The following TFAP2C variants were observed in gnomAD, a reference collection of about 807,000 sequenced individuals.
The protein encoded by TFAP2C is transcription factor AP-2 gamma, also known as activating enhancer-binding protein 2 gamma.
In TFAP2C, 9 loss-of-function variants were observed where a neutral mutation model predicts 42.9. The ratio of observed to expected loss-of-function variants is 0.21; its 90% CI spans 0.13 to 0.37. TFAP2C has a LOEUF of 0.37. TFAP2C is among the 10% of genes least tolerant of loss of function. The pLI is 1.00. For synonymous variants in TFAP2C, 264 were observed against 256.0 expected, an observed-to-expected ratio of 1.03 and a Z score of -0.30; for missense variants, 462 against 591.7, an observed-to-expected ratio of 0.78 and a Z score of 2.27.
At position 56,631,324 on chromosome 20, in the gene TFAP2C, G is replaced by T. The variant is rs1304444186; in HGVS notation, c.168G>T (p.Pro56=). 1.2e-6 allele frequency: 2 copies of T among 1,609,668 alleles called. No individual in the cohort carries two copies. Among genetic ancestry groups the T allele is most frequent in the African/African-American group, 1.3e-5 (1 of 74,582 alleles). Residue 56 remains proline, a synonymous_variant, in exon 2 of 7, where the codon CCG becomes CCT. Transcript: ENST00000201031. This position sits in a 1 kb window ranked among gnomAD's most constrained non-coding sequence, Gnocchi z 6.1. ...LSHTGVAEYQ[P]PPYFPPPYQQ... ...ACACTGGAGTCGCCGAATATCAGCC[G>T]CCACCCTACTTTCCCCCTCCCTACC...
At position 56,630,282 on chromosome 20, in the gene TFAP2C, G is replaced by A. The variant is rs1422429941; in HGVS notation, c.48+690G>A. 8.6e-6 allele frequency: 3 copies of A among 347,016 alleles called. No individual in the cohort carries two copies. The highest frequency in any genetic ancestry group is 1.8e-5 in the Non-Finnish European group (3 of 169,178). 21.5% of individuals were successfully genotyped at this position (347,016 alleles called of 1,614,324 possible). ...CGGAGCTCGGGCTACGGACTCGCGGGAGTTCACTGCGCCTCCGGGCCCTGG... is the reference window on the plus strand; with the variant it reads ...CGGAGCTCGGGCTACGGACTCGCGGAAGTTCACTGCGCCTCCGGGCCCTGG... On this transcript the variant is annotated intron_variant, in intron 1 of 6. Transcript: ENST00000201031. This position sits in a 1 kb window ranked among gnomAD's most constrained non-coding sequence, Gnocchi z 5.1.
intron 5 of TFAP2C, 101 bp from the exon 6 acceptor site, chr20:56,636,509 G>A: frequency 2.3e-6 from 3 of 1,328,608 alleles, no homozygotes; most frequent in Non-Finnish European, 3.0e-6. Context: ...CTGGGCAACA[G>A]AGCGAGACTC....
chr20:56,637,612 C>T lies in TFAP2C; in HGVS notation c.1068-116C>T, dbSNP rs1447087334. 1.1e-5 allele frequency: 10 copies of T among 872,882 alleles called. No homozygotes were observed. In the South Asian group the frequency reaches 1.2e-4, roughly 10 times the overall value. The allele number at this position is 872,882 out of a possible 1,614,324, so 54.1% of individuals were successfully genotyped here. ...CTATTAGTATTAAATTCTCCTTCCT[C>T]GGGTTGAAGCAGTTGTGCTTGCCTC... On this transcript the variant is annotated intron_variant, in intron 6 of 6. Transcript: ENST00000201031.
chr20:56,631,795 T>C lies in TFAP2C; in HGVS notation c.535-10T>C, dbSNP rs754753917. 3 of 1,614,092 alleles carry C rather than the reference T, an allele frequency of 1.9e-6. No individual in the cohort carries two copies. Among genetic ancestry groups the C allele is most frequent in the Non-Finnish European group, 1.7e-6 (2 of 1,180,006 alleles). On this transcript the variant is annotated splice_polypyrimidine_tract_variant and intron_variant, in intron 2 of 6. Coordinates refer to ENST00000201031, the MANE Select transcript of TFAP2C (RefSeq NM_003222.4). The surrounding 1 kb of genome is among the most constrained non-coding windows in gnomAD (Gnocchi z 6.1). ...CCGAACTTAAGGGAATTTTGTCCTCTCTCCCCCAGAATGTCGACGACCAGC... is the reference window on the plus strand; with the variant it reads ...CCGAACTTAAGGGAATTTTGTCCTCCCTCCCCCAGAATGTCGACGACCAGC...
chr20:56,633,388 C>G lies in TFAP2C; in HGVS notation c.622C>G (p.Pro208Ala). ...ISMTKNPLNL[P>A]CQKELVGAVM... is the part of the protein sequence containing the mutation. ...CATGACCAAGAACCCTCTGAACCTC[C>G]CCTGTCAGAAGGAGCTGGTGGGGGC... is the stretch of plus-strand genomic sequence containing the variant. The change falls in exon 4 of 7, where the codon CCC (proline) becomes GCC (alanine). Residue 208 changes from proline to alanine, a missense_variant. Physicochemically the swap from Pro to Ala is conservative, Grantham distance 27. Transcript: ENST00000201031. 2 of 1,614,076 alleles carry G rather than the reference C, an allele frequency of 1.2e-6. No homozygotes were observed. Among genetic ancestry groups the G allele is most frequent in the South Asian group, 1.1e-5 (1 of 91,072 alleles).
intron 6 of TFAP2C, 72 bp downstream of exon 6, chr20:56,636,826 ACAGTCC>A: frequency 6.6e-7 from 1 of 1,514,616 alleles, no homozygotes; most frequent in Non-Finnish European, 8.9e-7. Context: ...TTCCCCCTCC[ACAGTCC>A]CGATGGCTCA....
chr20:56,637,778 A>G lies in TFAP2C; in HGVS notation c.1118A>G (p.His373Arg). The stretch of plus-strand genomic sequence containing the variant: ...CTTCTCAGCCAAGACCGGACACCCC[A>G]TGGGACCAGCAGGCTCGCCCCAGTC... ...TELLSQDRTPHGTSRLAPVLE... is the reference protein window; with the variant it reads ...TELLSQDRTPRGTSRLAPVLE... Residue 373 changes from histidine (H) to arginine (R), a missense_variant, in exon 7 of 7, where the codon CAT (histidine) becomes CGT (arginine). This residue lies in a region of TFAP2C where 130 missense variants were observed against 160.8 expected (regional missense o/e 0.81). Coordinates refer to ENST00000201031, the MANE Select transcript of TFAP2C (RefSeq NM_003222.4). The G allele has an allele frequency of 6.2e-7, 1 of 1,614,188 alleles. No individual in the cohort carries two copies. Among genetic ancestry groups the G allele is most frequent in the East Asian group, 2.2e-5 (1 of 44,876 alleles).
Position 56,634,262 on chromosome 20 carries a change from G to A in TFAP2C, c.916G>A (p.Val306Ile). ...TCATGTGACTCTCCTGACATCCTTA[G>A]TAGAAGGTCAGTGGGGTTTTGTTTT... ...AAHVTLLTSLVEGEAVHLARD... is the reference protein window; with the variant it reads ...AAHVTLLTSLIEGEAVHLARD... The change falls in exon 5 of 7, where the codon GTA (valine) becomes ATA (isoleucine). Residue 306 changes from valine to isoleucine, a missense_variant. Val to Ile is a conservative substitution (Grantham distance 29). This residue lies in a region of TFAP2C where 40 missense variants were observed against 106.8 expected (regional missense o/e 0.37). Transcript: ENST00000201031. 1 of 1,609,408 alleles carries A rather than the reference G, an allele frequency of 6.2e-7. No homozygotes were observed. Among genetic ancestry groups the A allele is most frequent in the Non-Finnish European group, 8.5e-7 (1 of 1,175,780 alleles).
chr20:56,632,735 GA>G (rs1555825412), intron 3 of TFAP2C, among the ~76,000 whole-genome samples: 1 of 151,512 alleles, frequency 6.6e-6, no homozygotes, highest in Non-Finnish European at 1.5e-5. Flanking sequence ...TTCTTGAGGG[GA>G]AAAAACTCAC....
chr20:56,635,938 T>G (rs1987575220), intron 5 of TFAP2C, among the ~76,000 whole-genome samples: 1 of 152,250 alleles, frequency 6.6e-6, no homozygotes, highest in African/African-American at 2.4e-5. Flanking sequence ...GCTCAGGGAA[T>G]AATGGCAAAA....
Position 56,630,845 on chromosome 20 carries a change from G to T in TFAP2C, c.49-360G>T, listed in dbSNP as rs566586672. 2,629 of 984,178 alleles carry T rather than the reference G, an allele frequency of 2.7e-3. 4 individuals carry two copies. The highest frequency in any genetic ancestry group is 2.9e-3 in the Non-Finnish European group (2,434 of 829,522). 61.0% of individuals were successfully genotyped at this position (984,178 alleles called of 1,614,324 possible). On this transcript the variant is annotated intron_variant, in intron 1 of 6. Coordinates refer to ENST00000201031, the MANE Select transcript of TFAP2C (RefSeq NM_003222.4). This position sits in a 1 kb window ranked among gnomAD's most constrained non-coding sequence, Gnocchi z 5.1. ...CCGGGCGTCCGGCTCCTTCGCCCCG[G>T]GCTCTGGCTCCTTCGCCCCGGGCTC...
rs112906072 is a variant in TFAP2C, at chr20:56,633,157, A to G, written c.587-196A>G. 9.3e-3 allele frequency among the ~76,000 whole-genome samples: 1,413 copies of G among 151,134 alleles called. 18 individuals carry two copies. The highest frequency in any genetic ancestry group is 0.033 in the African/African-American group (1,348 of 41,324). On this transcript the variant is annotated intron_variant, in intron 3 of 6. Coordinates refer to ENST00000201031, the MANE Select transcript of TFAP2C (RefSeq NM_003222.4). Reference sequence around the variant, plus strand: ...GGCTGCAGTGAGCAGAGATCACACCACTGCACTCCAGCCTGGGCCACAGAG... The same window carrying G: ...GGCTGCAGTGAGCAGAGATCACACCGCTGCACTCCAGCCTGGGCCACAGAG...
rs747524696 is a variant in TFAP2C at position 56,639,264 on chromosome 20, A to G, written c.*1251A>G. On this transcript the variant is annotated 3_prime_UTR_variant, in exon 7 of 7. Coordinates refer to ENST00000201031, the MANE Select transcript of TFAP2C (RefSeq NM_003222.4). ...TGTATGATACGTGTATAATAAAAGT[A>G]TTCTTGTTAGAATCTGAAAGTCTGG... The G allele has an allele frequency of 5.3e-5, 8 of 152,258 alleles. No individual in the cohort carries two copies. The highest frequency in any genetic ancestry group is 1.0e-4 in the Non-Finnish European group (7 of 68,044). 9.4% of individuals were successfully genotyped at this position (152,258 alleles called of 1,614,324 possible).
chr20:56,632,927 T>A (rs796297728), intron 3 of TFAP2C, among the ~76,000 whole-genome samples: 114 of 152,240 alleles, frequency 7.5e-4, no homozygotes, highest in African/African-American at 2.5e-3. Flanking sequence ...GGGGCTTTTT[T>A]AAAAAGTCAG....
In TFAP2C at chr20:56,630,362, T is replaced by G. The variant is rs918052382; in HGVS notation, c.48+770T>G. Reference sequence around the variant, plus strand: ...CTTCCGCCAGGAGGCGACAGCGCCATGTTCCTCCAGGTTCCCGGCGCCCCG... The same window carrying G: ...CTTCCGCCAGGAGGCGACAGCGCCAGGTTCCTCCAGGTTCCCGGCGCCCCG... On this transcript the variant is annotated intron_variant, in intron 1 of 6. Coordinates refer to ENST00000201031, the MANE Select transcript of TFAP2C (RefSeq NM_003222.4). This position sits in a 1 kb window ranked among gnomAD's most constrained non-coding sequence, Gnocchi z 5.1. The G allele has an allele frequency of 5.4e-5, 25 of 459,006 alleles. No individual in the cohort carries two copies. Among genetic ancestry groups the G allele is most frequent in the Admixed American group, 1.2e-4 (5 of 41,712 alleles). 28.4% of individuals were successfully genotyped at this position (459,006 alleles called of 1,614,324 possible).
rs565327009 is a variant in TFAP2C at position 56,631,117 on chromosome 20, G to T, written c.49-88G>T. The T allele has an allele frequency of 3.4e-6, 5 of 1,454,774 alleles. No homozygotes were observed. In the African/African-American group the frequency reaches 4.4e-5, roughly 13 times the overall value. The allele number at this position is 1,454,774 out of a possible 1,614,324, so 90.1% of individuals were successfully genotyped here. ...GGCGGGGTGCGGTTGGTCCCCCGGGGCCCTCTGCGTAGCCCGGCGATGCCG... is the reference window on the plus strand; with the variant it reads ...GGCGGGGTGCGGTTGGTCCCCCGGGTCCCTCTGCGTAGCCCGGCGATGCCG... On this transcript the variant is annotated intron_variant, in intron 1 of 6. Coordinates refer to ENST00000201031, the MANE Select transcript of TFAP2C (RefSeq NM_003222.4). The surrounding 1 kb of genome is among the most constrained non-coding windows in gnomAD (Gnocchi z 6.1).
In TFAP2C at chr20:56,630,555, T is replaced by C. The variant is rs889149518; in HGVS notation, c.49-650T>C. Reference sequence around the variant, plus strand: ...TGGCAGTGCAGGGCGCCCCCACTTATTACTCCCCTCGGCTGGGCCCGGCCA... The same window carrying C: ...TGGCAGTGCAGGGCGCCCCCACTTACTACTCCCCTCGGCTGGGCCCGGCCA... On this transcript the variant is annotated intron_variant, in intron 1 of 6. Coordinates refer to ENST00000201031, the MANE Select transcript of TFAP2C (RefSeq NM_003222.4). This position sits in a 1 kb window ranked among gnomAD's most constrained non-coding sequence, Gnocchi z 5.1. 1.3e-5 allele frequency among the ~76,000 whole-genome samples: 2 copies of C among 152,054 alleles called. No homozygotes were observed. Among genetic ancestry groups the C allele is most frequent in the African/African-American group, 4.8e-5 (2 of 41,442 alleles).
Position 56,631,585 on chromosome 20 carries a change from C to T in TFAP2C, c.429C>T (p.Tyr143=), listed in dbSNP as rs1440410746. Reference sequence around the variant, plus strand: ...CGGTGAGCGCCCGCAGGGATGCCTACCGCCGCTCCGACCTGCTGCTGCCCC... The same window carrying T: ...CGGTGAGCGCCCGCAGGGATGCCTATCGCCGCTCCGACCTGCTGCTGCCCC... The part of the protein sequence containing the change: ...AGAVSARRDA[Y]RRSDLLLPHA... Residue 143 remains tyrosine (Y), a synonymous_variant, in exon 2 of 7, where the codon TAC becomes TAT. Coordinates refer to ENST00000201031, the MANE Select transcript of TFAP2C (RefSeq NM_003222.4). The surrounding 1 kb of genome is among the most constrained non-coding windows in gnomAD (Gnocchi z 6.1). The T allele has an allele frequency of 9.1e-6, 14 of 1,542,894 alleles. No homozygotes were observed. Among genetic ancestry groups the T allele is most frequent in the Non-Finnish European group, 1.2e-5 (14 of 1,151,838 alleles).
At position 56,637,640 on chromosome 20, in the gene TFAP2C, G is replaced by A. The variant is rs538786666; in HGVS notation, c.1068-88G>A. The A allele has an allele frequency of 4.3e-5, 58 of 1,349,028 alleles. 1 individual carries two copies. In the Admixed American group the frequency reaches 8.0e-4, roughly 19 times the overall value. The allele number at this position is 1,349,028 out of a possible 1,614,324, so 83.6% of individuals were successfully genotyped here. ...GTTGAAGCAGTTGTGCTTGCCTCCC[G>A]GGCGCCAGCCTCAGTGTAGTTGGTT... On this transcript the variant is annotated intron_variant, in intron 6 of 6. Transcript: ENST00000201031.
Sources: allele counts gnomAD v4.1 joint callset (sites outside exome capture counted in the v4.1 genomes callset), GRCh38; gene constraint gnomAD v4.1.1; regional missense constraint gnomAD v4.1.1; non-coding constraint Gnocchi (gnomAD v3.1); transcripts MANE v1.5; gene names NCBI Gene and HGNC (gene_info 2026-07-23, HGNC 2026-07-21).